Variants in EPHA4 observed in about 807,000 individuals in gnomAD.
EPHA4 encodes ephrin type-A receptor 4.
A neutral mutation model predicts 108.3 loss-of-function variants in EPHA4; 19 were observed. The observed-to-expected ratio is 0.18, with a 90% confidence interval of 0.12 to 0.26. The LOEUF (loss-of-function observed/expected upper bound fraction) is 0.26, where lower values mean the gene tolerates loss of function less well. Among genes scored for constraint, EPHA4 ranks in the 10% least tolerant of loss-of-function variants. The pLI is 1.00. For missense variants in EPHA4, 917 were observed against 1,254.0 expected (o/e 0.73, Z 4.06); for synonymous variants, 449 against 455.5 (o/e 0.99, Z 0.18).
At chr2:221,557,701 C>T (rs1040836033) in intron 3 of EPHA4, among the ~76,000 whole-genome samples, 1 of 152,058 alleles carries the variant, frequency 6.6e-6, no homozygotes, top group Non-Finnish European at 1.5e-5. Flanking sequence ...TAAAAAGGAC[C>T]CAATTGAGTA....
At chr2:221,536,104 T>C (rs1187470505) in intron 3 of EPHA4, among the ~76,000 whole-genome samples, 1 of 152,204 alleles carries the variant, frequency 6.6e-6, no homozygotes, top group Non-Finnish European at 1.5e-5. Flanking sequence ...TCAACAAAGA[T>C]AGTCCTTCTT....
At chr2:221,557,884 C>G (rs1694350927) in intron 3 of EPHA4, among the ~76,000 whole-genome samples, 1 of 152,074 alleles carries the variant, frequency 6.6e-6, no homozygotes, top group Non-Finnish European at 1.5e-5. Context: ...ATTCATATGT[C>G]CAAGATAAAG....
chr2:221,563,774 G>A lies in EPHA4; in HGVS notation c.780C>T (p.Cys260=), dbSNP rs138929899. Residue 260 remains cysteine, a synonymous_variant, in exon 3 of 18, where the codon TGC becomes TGT. Transcript: ENST00000281821. Reference sequence around the variant, plus strand: ...GCTCCTCATGCCCAGCGTTGCATAGGCAGTTGCCAATGGGTACCAGCCATT... The same window carrying A: ...GCTCCTCATGCCCAGCGTTGCATAGACAGTTGCCAATGGGTACCAGCCATT... The part of the protein sequence containing the change: ...DGEWLVPIGN[C]LCNAGHEERS... The A allele has an allele frequency of 6.2e-6, 10 of 1,614,076 alleles. No individual in the cohort carries two copies. In the African/African-American group the frequency reaches 1.3e-4, roughly 22 times the overall value.
chr2:221,568,651 G>T, intron 2 of EPHA4, 67 bp downstream of exon 2: 1 of 1,297,350 alleles, frequency 7.7e-7, no homozygotes, highest in African/African-American at 1.5e-5. Flanking sequence ...CAAGCCATTA[G>T]GACTCTCAGA....
In EPHA4 at chr2:221,571,430, G is replaced by T. The variant is rs374528353; in HGVS notation, c.91+728C>A. Among the ~76,000 whole-genome samples, 34 of 145,996 alleles carry T rather than the reference G, an allele frequency of 2.3e-4. 1 individual carries two copies. The South Asian group carries it at 7.5e-3, about 32-fold the overall frequency. On this transcript the variant is annotated intron_variant, in intron 1 of 17. Transcript: ENST00000281821. The surrounding 1 kb of genome is among the most constrained non-coding windows in gnomAD (Gnocchi z 6.3). ...CACCCAGACGGGTCCCGTCGACCCC[G>T]CACGTTAGCTCTAAACTGTGTGCAA...
At chr2:221,483,249 C>T (rs1317371622) in intron 4 of EPHA4, among the ~76,000 whole-genome samples, 3 of 152,028 alleles carry the variant, frequency 2.0e-5, no homozygotes, top group Non-Finnish European at 4.4e-5. Flanking sequence ...AACGCGGTTG[C>T]AGAGATGTTG....
At chr2:221,445,503 T>C (rs1690563711) in intron 9 of EPHA4, among the ~76,000 whole-genome samples, 1 of 146,780 alleles carries the variant, frequency 6.8e-6, no homozygotes, top group Non-Finnish European at 1.5e-5. Context: ...GGTGGGAGAA[T>C]GGTGTGAACC....
intron 3 of EPHA4, among the ~76,000 whole-genome samples, chr2:221,505,154 C>A (rs1692592230): frequency 6.6e-6 from 1 of 152,026 alleles, no homozygotes; most frequent in South Asian, 2.1e-4. Context: ...TGAGATATGG[C>A]CGGTCAATGA....
intron 3 of EPHA4, among the ~76,000 whole-genome samples, chr2:221,544,005 G>T (rs1693911302): frequency 6.6e-6 from 1 of 152,134 alleles, no homozygotes; most frequent in Non-Finnish European, 1.5e-5. Flanking sequence ...CCTAGACAGT[G>T]CCTTCTTGCT....
rs187839464 is a variant in EPHA4, at chr2:221,521,828, T to A, written c.824-20656A>T. 3.6e-3 allele frequency among the ~76,000 whole-genome samples: 546 copies of A among 151,502 alleles called. 6 individuals are homozygous for A. The highest frequency in any genetic ancestry group is 0.013 in the African/African-American group (519 of 41,270). On this transcript the variant is annotated intron_variant, in intron 3 of 17. Transcript: ENST00000281821. ...AGTCTCTACCAAAAATAGAAAAAAA[T>A]TAGGTGGGCATGATGGCACACGCCT...
chr2:221,432,136 T>A (rs904452754), intron 14 of EPHA4, among the ~76,000 whole-genome samples: 1 of 145,246 alleles, frequency 6.9e-6, no homozygotes, highest in African/African-American at 2.6e-5. Context: ...TGTTTTTTTA[T>A]ATATATGTGT....
intron 8 of EPHA4, among the ~76,000 whole-genome samples, chr2:221,454,048 C>T (rs975736002): frequency 5.3e-5 from 8 of 151,922 alleles, no homozygotes; most frequent in African/African-American, 1.2e-4. Context: ...GGTGTGGTGG[C>T]GTGTGCCTGT....
intron 3 of EPHA4, among the ~76,000 whole-genome samples, chr2:221,530,760 G>A (rs1693489679): frequency 6.6e-6 from 1 of 152,152 alleles, no homozygotes; most frequent in Non-Finnish European, 1.5e-5. Context: ...TCAAACAAGG[G>A]AAGAATCACA....
At chr2:221,453,462 T>C (rs182632670) in intron 8 of EPHA4, among the ~76,000 whole-genome samples, 2 of 152,264 alleles carry the variant, frequency 1.3e-5, no homozygotes, top group East Asian at 1.9e-4. Flanking sequence ...TGCGTACATA[T>C]ACAAAACTAA....
intron 14 of EPHA4, among the ~76,000 whole-genome samples, chr2:221,432,282 AG>A (rs1690101153): frequency 6.6e-6 from 1 of 152,190 alleles, no homozygotes; most frequent in Non-Finnish European, 1.5e-5. Context: ...AGAAAAAGAA[AG>A]CTTAAGTATC....
chr2:221,562,810 C>A (rs1694509274), intron 3 of EPHA4, among the ~76,000 whole-genome samples: 2 of 152,128 alleles, frequency 1.3e-5, no homozygotes, highest in Admixed American at 1.3e-4. Context: ...TCATCTCTTA[C>A]TCAGATATAA....
At chr2:221,462,282 A>G (rs550973262) in intron 5 of EPHA4, among the ~76,000 whole-genome samples, 2 of 152,156 alleles carry the variant, frequency 1.3e-5, no homozygotes, top group Non-Finnish European at 2.9e-5. Context: ...ATTTAATTCA[A>G]TGGAGTCCTT....
chr2:221,522,736 TA>T (rs1247374502), intron 3 of EPHA4, among the ~76,000 whole-genome samples: 2 of 14,684 alleles, frequency 1.4e-4, no homozygotes, highest in Non-Finnish European at 2.5e-4. Context: ...AATAAAATCC[TA>T]TTATTATTAT....
chr2:221,432,170 A>G (rs1028849951), intron 14 of EPHA4, among the ~76,000 whole-genome samples: 2 of 150,740 alleles, frequency 1.3e-5, no homozygotes, highest in African/African-American at 4.9e-5. Flanking sequence ...AAATACATAT[A>G]TATAAACTGC....
Sources: gnomAD v4.1 joint callset for allele counts (sites outside exome capture counted in the v4.1 genomes callset) on GRCh38, gnomAD v4.1.1 for gene constraint, Gnocchi (gnomAD v3.1) non-coding constraint, MANE v1.5 for transcripts, NCBI Gene and HGNC (gene_info 2026-07-23, HGNC 2026-07-21) for gene names.